The following MACROD2 variants were observed in gnomAD, a reference collection of about 807,000 sequenced individuals.
The protein encoded by MACROD2 is ADP-ribose glycohydrolase MACROD2.
A neutral mutation model predicts 70.4 loss-of-function variants in MACROD2; 36 were observed. The observed-to-expected ratio is 0.51, with a 90% CI of 0.39 to 0.68. The LOEUF (loss-of-function observed/expected upper bound fraction) is 0.68, where lower values mean the gene tolerates loss of function less well. Among genes scored for constraint, MACROD2 ranks in the 30% least tolerant of loss-of-function variants. MACROD2 has a pLI of 0.00. For missense variants in MACROD2, 496 were observed against 538.4 expected (o/e 0.92, Z 0.78); for synonymous variants, 172 against 178.8 (o/e 0.96, Z 0.30).
intron 10 of MACROD2, among the ~76,000 whole-genome samples, chr20:15,930,705 C>T (rs936860673): frequency 3.9e-5 from 6 of 152,134 alleles, no homozygotes; most frequent in Non-Finnish European, 8.8e-5. Flanking sequence ...AAAACAAAAG[C>T]ATGCCACTCA....
intron 8 of MACROD2, among the ~76,000 whole-genome samples, chr20:15,556,430 A>G (rs2048170516): frequency 6.6e-6 from 1 of 152,060 alleles, no homozygotes. Flanking sequence ...CTGTTTATCC[A>G]CTGATAAAAT....
intron 15 of MACROD2, among the ~76,000 whole-genome samples, chr20:15,988,860 A>G (rs6131759): frequency 0.03 from 4,574 of 152,252 alleles, 188 homozygotes; most frequent in East Asian, 0.15. Flanking sequence ...TAAATTTGAA[A>G]TAATTTTAAG....
Position 14,868,513 on chromosome 20 carries a change from C to T in MACROD2, c.418+183554C>T, listed in dbSNP as rs79697202. The stretch of plus-strand genomic sequence containing the variant: ...TCTAGTTCCATACTATTGGCCACTA[C>T]AATAAGAAAATCCTTGTTATTTTAT... On this transcript the variant is annotated intron_variant, in intron 5 of 17. Coordinates refer to ENST00000684519, the MANE Select transcript of MACROD2 (RefSeq NM_001351661.2). Among the ~76,000 whole-genome samples, 318 of 152,158 alleles carry T rather than the reference C, an allele frequency of 2.1e-3. 1 individual carries two copies. The highest frequency in any genetic ancestry group is 3.8e-3 in the Non-Finnish European group (259 of 67,976).
chr20:15,798,975 C>T (rs188469139), intron 8 of MACROD2, among the ~76,000 whole-genome samples: 95 of 152,228 alleles, frequency 6.2e-4, no homozygotes, highest in African/African-American at 2.1e-3. Context: ...GAAAGAAACC[C>T]GGGGTATGTA....
intron 3 of MACROD2, among the ~76,000 whole-genome samples, chr20:14,268,517 A>C (rs946532594): frequency 1.3e-5 from 2 of 152,260 alleles, no homozygotes; most frequent in Admixed American, 6.5e-5. Flanking sequence ...GCTTGCTTAG[A>C]TTCAGATTAG....
chr20:15,563,685 G>A (rs2048274392), intron 8 of MACROD2, among the ~76,000 whole-genome samples: 1 of 152,144 alleles, frequency 6.6e-6, no homozygotes, highest in Admixed American at 6.5e-5. Flanking sequence ...GGTATGGATT[G>A]ATCAAAGACA....
At chr20:15,662,109 C>A (rs1466219696) in intron 8 of MACROD2, among the ~76,000 whole-genome samples, 1 of 152,140 alleles carries the variant, frequency 6.6e-6, no homozygotes, top group African/African-American at 2.4e-5. Flanking sequence ...GAAACTAACC[C>A]AAAGACTCAT....
chr20:15,329,497 G>A (rs2077968522), intron 6 of MACROD2, among the ~76,000 whole-genome samples: 1 of 152,054 alleles, frequency 6.6e-6, no homozygotes, highest in Non-Finnish European at 1.5e-5. Flanking sequence ...CAGCACTTAG[G>A]AAGGCAGAGG....
intron 15 of MACROD2, among the ~76,000 whole-genome samples, chr20:16,007,285 C>T (rs999997019): frequency 6.6e-6 from 1 of 152,086 alleles, no homozygotes; most frequent in Non-Finnish European, 1.5e-5. Flanking sequence ...GCTTTGAATA[C>T]GGTAGGCCTA....
chr20:14,769,387 G>T (rs534468364), intron 5 of MACROD2, among the ~76,000 whole-genome samples: 3 of 152,076 alleles, frequency 2.0e-5, no homozygotes, highest in South Asian at 4.1e-4. Context: ...TTTACTTTTG[G>T]CAAAGCAGTT....
intron 6 of MACROD2, among the ~76,000 whole-genome samples, chr20:15,296,367 C>A (rs995570221): frequency 6.6e-6 from 1 of 152,080 alleles, no homozygotes; most frequent in African/African-American, 2.4e-5. Flanking sequence ...CCACCTGAAG[C>A]AAATGTAACA....
chr20:15,469,022 GA>G (rs1320822028), intron 7 of MACROD2, among the ~76,000 whole-genome samples: 1 of 152,118 alleles, frequency 6.6e-6, no homozygotes, highest in African/African-American at 2.4e-5. Context: ...GAGATCACTA[GA>G]ATATAGAAGA....
intron 5 of MACROD2, among the ~76,000 whole-genome samples, chr20:15,045,746 C>T (rs6135333): frequency 0.28 from 20,970 of 74,498 alleles, 1,472 homozygotes; most frequent in East Asian, 0.44. Flanking sequence ...TTTTTTTTTC[C>T]CTTTCTGATA....
At chr20:14,415,190 T>C (rs1289755465) in intron 3 of MACROD2, among the ~76,000 whole-genome samples, 1 of 152,164 alleles carries the variant, frequency 6.6e-6, no homozygotes, top group Non-Finnish European at 1.5e-5. Flanking sequence ...GAAGTATTAT[T>C]AGGGAGAGGT....
intron 8 of MACROD2, among the ~76,000 whole-genome samples, chr20:15,825,979 C>T (rs569336576): frequency 6.6e-6 from 1 of 152,136 alleles, no homozygotes; most frequent in Non-Finnish European, 1.5e-5. Flanking sequence ...GCAGGAATTC[C>T]CCCTCATCCA....
intron 3 of MACROD2, among the ~76,000 whole-genome samples, chr20:14,286,017 G>T (rs1232552995): frequency 6.6e-6 from 1 of 151,454 alleles, no homozygotes; most frequent in African/African-American, 2.4e-5. Flanking sequence ...CTGTAGAAAT[G>T]GAATTTTCTA....
intron 8 of MACROD2, among the ~76,000 whole-genome samples, chr20:15,532,606 A>G (rs995625467): frequency 5.9e-5 from 9 of 151,474 alleles, no homozygotes; most frequent in Non-Finnish European, 2.9e-5. Context: ...TATACCAATT[A>G]TATAAACTCA....
chr20:15,755,351 C>A (rs76905873), intron 8 of MACROD2, among the ~76,000 whole-genome samples: 1,938 of 152,212 alleles, frequency 0.013, 31 homozygotes, highest in East Asian at 0.044. Context: ...ACTAGAACAA[C>A]CTCAAATGTA....
intron 7 of MACROD2, among the ~76,000 whole-genome samples, chr20:15,443,192 C>T (rs2046518802): frequency 1.3e-5 from 2 of 152,136 alleles, no homozygotes; most frequent in Non-Finnish European, 2.9e-5. Flanking sequence ...CACAGTCATC[C>T]ATAAACATAC....
Sources: gnomAD v4.1 joint callset for allele counts (sites outside exome capture counted in the v4.1 genomes callset) on GRCh38, gnomAD v4.1.1 for gene constraint, MANE v1.5 for transcripts, NCBI Gene and HGNC (gene_info 2026-07-23, HGNC 2026-07-21) for gene names.